DLGAP1: variants seen among roughly 807,000 people sequenced by gnomAD.
DLGAP1 encodes DLG associated protein 1, also known as disks large-associated protein 1.
A neutral mutation model predicts 90.8 loss-of-function variants in DLGAP1; 11 were observed. The ratio of observed to expected loss-of-function variants is 0.12; its 90% confidence interval spans 0.08 to 0.20. The LOEUF is 0.20. DLGAP1 is among the 10% of genes least tolerant of loss of function. DLGAP1 has a pLI of 1.00. For missense variants in DLGAP1, 1,050 were observed against 1,333.8 expected (o/e 0.79, Z 3.31); for synonymous variants, 558 against 540.7 (o/e 1.03, Z -0.44).
chr18:3,571,479 G>T (rs1243202909), intron 8 of DLGAP1: 2 of 152,032 alleles, frequency 1.3e-5, no homozygotes, highest in Admixed American at 1.3e-4. Context: ...CCCCTGAGTA[G>T]TTGAGACACA....
In DLGAP1 at chr18:3,846,845, G is replaced by A. The variant is rs184477081; in HGVS notation, c.957+32267C>T. On this transcript the variant is annotated intron_variant, in intron 4 of 12. Coordinates refer to ENST00000315677, the MANE Select transcript of DLGAP1 (RefSeq NM_004746.4). ...AACAGGTACAGGATTCCTTATTGGA[G>A]TGAAGAAAATATTTTTATCTTAGAT... Among the ~76,000 whole-genome samples the A allele has an allele frequency of 1.6e-3, 237 of 152,226 alleles. 1 individual carries two copies. The highest frequency in any genetic ancestry group is 5.4e-3 in the African/African-American group (224 of 41,548).
chr18:3,980,544 C>G (rs2073705695), intron 3 of DLGAP1, among the ~76,000 whole-genome samples: 1 of 152,150 alleles, frequency 6.6e-6, no homozygotes, highest in African/African-American at 2.4e-5. Context: ...TCTCCTAATT[C>G]CTAGCTGAAT....
At chr18:3,624,688 A>G (rs937867315) in intron 7 of DLGAP1, among the ~76,000 whole-genome samples, 1 of 152,222 alleles carries the variant, frequency 6.6e-6, no homozygotes, top group Non-Finnish European at 1.5e-5. Flanking sequence ...AATCCCCAAA[A>G]GTCATGATAA....
chr18:4,352,386 T>G (rs764041289), intron 1 of DLGAP1, among the ~76,000 whole-genome samples: 4 of 152,120 alleles, frequency 2.6e-5, no homozygotes, highest in Non-Finnish European at 4.4e-5. Context: ...TAACCATGGC[T>G]TGGTAAGGCA....
At chr18:3,748,172 ATT>A (rs957284822) in intron 5 of DLGAP1, among the ~76,000 whole-genome samples, 1 of 152,190 alleles carries the variant, frequency 6.6e-6, no homozygotes, top group Non-Finnish European at 1.5e-5. Context: ...GGAGATTTTG[ATT>A]TTTTGGGCTG....
chr18:3,975,983 T>G (rs1188129976), intron 3 of DLGAP1, among the ~76,000 whole-genome samples: 6 of 151,894 alleles, frequency 4.0e-5, no homozygotes, highest in African/African-American at 1.2e-4. Flanking sequence ...ACGAACAGGT[T>G]CTGGAGATGG....
chr18:4,180,326 T>C (rs1338217322), intron 1 of DLGAP1, among the ~76,000 whole-genome samples: 1 of 152,160 alleles, frequency 6.6e-6, no homozygotes, highest in Non-Finnish European at 1.5e-5. Context: ...CATCTGGGTT[T>C]GTCTGGGACT....
intron 2 of DLGAP1, among the ~76,000 whole-genome samples, chr18:4,125,715 CA>C (rs1459744752): frequency 6.6e-6 from 1 of 152,156 alleles, no homozygotes; most frequent in Admixed American, 6.5e-5. Flanking sequence ...ACTCTAATCA[CA>C]GGGGAAAGTA....
In DLGAP1 at chr18:3,587,011, A is replaced by C. The variant is rs550626116; in HGVS notation, c.1592-4763T>G. On this transcript the variant is annotated intron_variant, in intron 7 of 12. Transcript: ENST00000315677. Reference sequence around the variant, plus strand: ...AAAATGAGAAAGAGAAAAAGAGAAAACGAGCAGTTTCTATACAGTAAGTGA... The same window carrying C: ...AAAATGAGAAAGAGAAAAAGAGAAACCGAGCAGTTTCTATACAGTAAGTGA... Among the ~76,000 whole-genome samples the C allele has an allele frequency of 5.3e-5, 8 of 152,350 alleles. No individual in the cohort carries two copies. The South Asian group carries it at 1.2e-3, about 24-fold the overall frequency.
intron 9 of DLGAP1, among the ~76,000 whole-genome samples, chr18:3,559,934 A>G (rs1168730239): frequency 1.3e-5 from 2 of 152,020 alleles, no homozygotes; most frequent in Non-Finnish European, 2.9e-5. Flanking sequence ...ATCCACTTTC[A>G]TATAACACTA....
intron 7 of DLGAP1, among the ~76,000 whole-genome samples, chr18:3,621,914 C>CGTGAT (rs1439170304): frequency 1.3e-5 from 2 of 151,940 alleles, no homozygotes; most frequent in Non-Finnish European, 2.9e-5. Flanking sequence ...TGCAGTGAGC[C>CGTGAT]GTGATTACAC....
intron 1 of DLGAP1, among the ~76,000 whole-genome samples, chr18:4,433,313 G>T (rs2083330805): frequency 1.3e-5 from 2 of 152,154 alleles, no homozygotes; most frequent in South Asian, 2.1e-4. Flanking sequence ...TTCTCTTCCA[G>T]CTTACTATAA....
chr18:3,757,545 G>C (rs2063766866), intron 5 of DLGAP1, among the ~76,000 whole-genome samples: 1 of 152,150 alleles, frequency 6.6e-6, no homozygotes, highest in Non-Finnish European at 1.5e-5. Context: ...GATTACACAT[G>C]ATGACCAAGT....
intron 1 of DLGAP1, among the ~76,000 whole-genome samples, chr18:4,440,299 A>C (rs2083503191): frequency 6.6e-6 from 1 of 152,092 alleles, no homozygotes; most frequent in Non-Finnish European, 1.5e-5. Context: ...GATGTGATGT[A>C]CTCAATCTCA....
At chr18:4,264,545 C>T (rs1420986553) in intron 1 of DLGAP1, 2 of 152,546 alleles carry the variant, frequency 1.3e-5, no homozygotes, top group African/African-American at 2.4e-5. Flanking sequence ...ACCCTTGGTT[C>T]CCACTCTGCA....
chr18:3,779,496 G>A (rs541400661), intron 5 of DLGAP1, among the ~76,000 whole-genome samples: 42 of 152,294 alleles, frequency 2.8e-4, no homozygotes, highest in Non-Finnish European at 5.4e-4. Context: ...AACACTCTCT[G>A]AGGATACAGG....
In DLGAP1 at chr18:4,318,390, C is replaced by T. The variant is rs575354727; in HGVS notation, c.-267+136616G>A. ...GTGAGCTGTTAAACCATGAAGCTGC[C>T]CTGCTTGAAAAACGGTAGGAAATCT... On this transcript the variant is annotated intron_variant, in intron 1 of 12. Coordinates refer to ENST00000315677, the MANE Select transcript of DLGAP1 (RefSeq NM_004746.4). 5.3e-5 allele frequency among the ~76,000 whole-genome samples: 8 copies of T among 152,154 alleles called. 1 individual carries two copies. In the South Asian group the frequency reaches 1.7e-3, roughly 32 times the overall value.
intron 1 of DLGAP1, among the ~76,000 whole-genome samples, chr18:4,365,696 C>A (rs888437481): frequency 1.3e-5 from 2 of 152,030 alleles, no homozygotes; most frequent in Non-Finnish European, 2.9e-5. Context: ...TAAGCACAGG[C>A]ATGAATTTGA....
chr18:3,724,915 A>C (rs564095918), intron 7 of DLGAP1, among the ~76,000 whole-genome samples: 1 of 152,050 alleles, frequency 6.6e-6, no homozygotes, highest in South Asian at 2.1e-4. Flanking sequence ...AAAAAAAAAA[A>C]AAACCCAACC....
Sources: allele counts gnomAD v4.1 joint callset (sites outside exome capture counted in the v4.1 genomes callset), GRCh38; gene constraint gnomAD v4.1.1; transcripts MANE v1.5; gene names NCBI Gene and HGNC (gene_info 2026-07-23, HGNC 2026-07-21).